Variants in CYP20A1 observed in about 807,000 individuals in gnomAD.
CYP20A1 encodes cytochrome P450 20A1.
A neutral mutation model predicts 61.4 loss-of-function variants in CYP20A1; 61 were observed. That is an observed-to-expected ratio of 0.99 (90% CI 0.81 to 1.23). The LOEUF is 1.23. Ranked by LOEUF, CYP20A1 falls within the 50% of genes most tolerant of loss-of-function variation. CYP20A1 has a pLI of 0.00. For synonymous variants in CYP20A1, 193 were observed against 188.2 expected (o/e 1.03, Z -0.21); for missense variants, 530 against 542.4 (o/e 0.98, Z 0.23).
rs769235248 is a variant in CYP20A1 at position 203,296,496 on chromosome 2, G to A, written c.1171G>A (p.Asp391Asn). ...TAGGTTTGATCCAGATCGGTTTGAT[G>A]ATGAATTAGTAATGAAAACTTTTTC... ...PHKFDPDRFD[D>N]ELVMKTFSSL... Residue 391 changes from aspartate (D) to asparagine (N), a missense_variant, in exon 12 of 13, where the codon GAT (aspartate) becomes AAT (asparagine). By Grantham distance (23) the Asp-to-Asn change is conservative (BLOSUM62 1). Coordinates refer to ENST00000356079, the MANE Select transcript of CYP20A1 (RefSeq NM_177538.3). 7 of 1,612,202 alleles carry A rather than the reference G, an allele frequency of 4.3e-6. No homozygotes were observed. In the African/African-American group the frequency reaches 9.3e-5, roughly 21 times the overall value.
intron 6 of CYP20A1, among the ~76,000 whole-genome samples, chr2:203,277,543 A>G (rs761098047): frequency 2.3e-4 from 35 of 151,430 alleles, no homozygotes; most frequent in Non-Finnish European, 2.9e-4. Flanking sequence ...ATATTTATTT[A>G]TTTATTCTCT....
At chr2:203,266,048 A>C (rs1245817883) in intron 4 of CYP20A1, among the ~76,000 whole-genome samples, 1 of 152,074 alleles carries the variant, frequency 6.6e-6, no homozygotes, top group Non-Finnish European at 1.5e-5. Context: ...GTATTTAATA[A>C]ATATTTGGTG....
chr2:203,296,359 G>A (rs1410527575), intron 11 of CYP20A1, 115 bp from the exon 12 acceptor site: 1 of 586,442 alleles, frequency 1.7e-6, no homozygotes, highest in South Asian at 2.2e-5. Flanking sequence ...TAATGTAAGA[G>A]CACTTTCTAT....
chr2:203,262,993 C>G (rs2067193804), intron 4 of CYP20A1, among the ~76,000 whole-genome samples: 1 of 139,724 alleles, frequency 7.2e-6, no homozygotes, highest in South Asian at 2.3e-4. Context: ...TTTTTGTTTT[C>G]TGTTTTTTGT....
intron 1 of CYP20A1, among the ~76,000 whole-genome samples, chr2:203,243,422 G>A (rs1169633737): frequency 1.3e-5 from 2 of 150,126 alleles, no homozygotes; most frequent in African/African-American, 4.9e-5. Flanking sequence ...ACAGAGTCTC[G>A]CTCTGTCTCC....
intron 1 of CYP20A1, among the ~76,000 whole-genome samples, chr2:203,243,512 G>C (rs942733612): frequency 6.6e-6 from 1 of 151,844 alleles, no homozygotes; most frequent in African/African-American, 2.4e-5. Flanking sequence ...AGCCTCCTGA[G>C]TAGCTGGCAT....
Position 203,304,727 on chromosome 2 carries a change from G to C in CYP20A1, c.*7819G>C, listed in dbSNP as rs1446728968. On this transcript the variant is annotated 3_prime_UTR_variant, in exon 13 of 13. Transcript: ENST00000356079. Reference sequence around the variant, plus strand: ...AAGTCAGGCTTATTGGGTGAGTCCAGGTGTTTGAGACTAGCCTAGGCAACA... The same window carrying C: ...AAGTCAGGCTTATTGGGTGAGTCCACGTGTTTGAGACTAGCCTAGGCAACA... Among the ~76,000 whole-genome samples the C allele has an allele frequency of 6.6e-6, 1 of 152,152 alleles. No homozygotes were observed. The highest frequency in any genetic ancestry group is 1.9e-4 in the East Asian group (1 of 5,192).
At chr2:203,289,936 G>T (rs997399030) in intron 10 of CYP20A1, 60 bp downstream of exon 10, 1 of 792,416 alleles carries the variant, frequency 1.3e-6, no homozygotes, top group South Asian at 1.9e-5. Flanking sequence ...TGGTGTGTGT[G>T]TGTGTATATA....
intron 4 of CYP20A1, among the ~76,000 whole-genome samples, chr2:203,258,001 A>AGCATCGAATGCCTGGGCTCAAGTGC: frequency 6.6e-6 from 1 of 152,230 alleles, no homozygotes; most frequent in Non-Finnish European, 1.5e-5. Context: ...TCCTGGGCTG[A>AGCATCGAATGCCTGGGCTCAAGTGC]AGGGATCCTC....
chr2:203,278,997 G>A (rs2067936600), intron 7 of CYP20A1, among the ~76,000 whole-genome samples: 1 of 151,916 alleles, frequency 6.6e-6, no homozygotes. Flanking sequence ...ATGGAGTCTC[G>A]CTATGTCGCC....
In CYP20A1 at chr2:203,292,268, G is replaced by T. The variant is rs1370275769; in HGVS notation, c.1090G>T (p.Val364Phe). ...DRFIIPRETL[V>F]LYALGVVLQD... Reference sequence around the variant, plus strand: ...GGATTTTTTTTTTTCACAGACCCTCGTCCTTTATGCCCTTGGTGTGGTACT... The same window carrying T: ...GGATTTTTTTTTTTCACAGACCCTCTTCCTTTATGCCCTTGGTGTGGTACT... Residue 364 changes from valine to phenylalanine, a missense_variant, in exon 11 of 13, where the codon GTC becomes TTC. Coordinates refer to ENST00000356079, the MANE Select transcript of CYP20A1 (RefSeq NM_177538.3). The T allele has an allele frequency of 5.0e-6, 8 of 1,605,536 alleles. No individual in the cohort carries two copies. Among genetic ancestry groups the T allele is most frequent in the Non-Finnish European group, 6.8e-6 (8 of 1,175,610 alleles).
intron 5 of CYP20A1, among the ~76,000 whole-genome samples, chr2:203,271,418 C>T (rs559087544): frequency 1.2e-4 from 19 of 152,026 alleles, no homozygotes; most frequent in African/African-American, 4.6e-4. Flanking sequence ...TTTAAGTAAT[C>T]TGAAATATTT....
intron 5 of CYP20A1, among the ~76,000 whole-genome samples, chr2:203,270,100 C>A (rs1013059026): frequency 6.6e-6 from 1 of 151,108 alleles, no homozygotes; most frequent in Admixed American, 6.6e-5. Context: ...AAAAAAAAAA[C>A]GACAGGAAAA....
intron 5 of CYP20A1, among the ~76,000 whole-genome samples, chr2:203,271,871 C>G (rs1235470121): frequency 2.0e-5 from 3 of 152,010 alleles, no homozygotes; most frequent in African/African-American, 7.2e-5. Flanking sequence ...CTAAAAAATA[C>G]AAAAATTAGC....
intron 3 of CYP20A1, 121 bp from the exon 4 acceptor site, chr2:203,251,846 A>C (rs1476273372): frequency 7.0e-5 from 24 of 341,114 alleles, no homozygotes; most frequent in African/African-American, 5.9e-4. Context: ...CAAGGGAATT[A>C]TGAAAAACAG....
Position 203,285,641 on chromosome 2 carries a change from A to G in CYP20A1, c.880A>G (p.Thr294Ala), listed in dbSNP as rs574589375. ...TACCTGGGCAATCTGTTTTTTAACC[A>G]CCTCTGAAGAAGTTCAAAAAAAATT... is the stretch of plus-strand genomic sequence containing the variant. Reference protein sequence around the residue: ...LCTWAICFLTTSEEVQKKLYE... With the variant: ...LCTWAICFLTASEEVQKKLYE... Residue 294 changes from threonine to alanine, a missense_variant, in exon 9 of 13, where the codon ACC becomes GCC. By Grantham distance (58) the Thr-to-Ala change is moderately conservative. Transcript: ENST00000356079. 3.1e-6 allele frequency: 5 copies of G among 1,595,444 alleles called. No individual in the cohort carries two copies. Among genetic ancestry groups the G allele is most frequent in the African/African-American group, 1.4e-5 (1 of 73,870 alleles).
chr2:203,298,787 C>G lies in CYP20A1; in HGVS notation c.*1879C>G, dbSNP rs1037926652. 6.6e-6 allele frequency among the ~76,000 whole-genome samples: 1 copy of G among 151,440 alleles called. No individual in the cohort carries two copies. ...CGGTAGCTCATGCCTGTTATCCTAA[C>G]ACTTTGGGAAGCCGACATGGGCAGA... On this transcript the variant is annotated 3_prime_UTR_variant, in exon 13 of 13. Transcript: ENST00000356079.
Position 203,296,487 on chromosome 2 carries a change from C to G in CYP20A1, c.1162C>G (p.Arg388Gly), listed in dbSNP as rs180687747. 6.2e-7 allele frequency: 1 copy of G among 1,610,368 alleles called. No individual in the cohort carries two copies. Among genetic ancestry groups the G allele is most frequent in the Non-Finnish European group, 8.5e-7 (1 of 1,177,934 alleles). ...TTTTCTTTGTAGGTTTGATCCAGAT[C>G]GGTTTGATGATGAATTAGTAATGAA... ...WPSPHKFDPD[R>G]FDDELVMKTF... Residue 388 changes from arginine to glycine, a missense_variant, in exon 12 of 13, where the codon CGG (arginine) becomes GGG (glycine). Transcript: ENST00000356079.
rs1045356035 is a variant in CYP20A1 at position 203,302,694 on chromosome 2, T to G, written c.*5786T>G. ...ATGTAGGCACAGATTTTTGTCATTCTTTATCTTTTTTGTGTGTGTGTGACA... is the reference window on the plus strand; with the variant it reads ...ATGTAGGCACAGATTTTTGTCATTCGTTATCTTTTTTGTGTGTGTGTGACA... On this transcript the variant is annotated 3_prime_UTR_variant, in exon 13 of 13. Coordinates refer to ENST00000356079, the MANE Select transcript of CYP20A1 (RefSeq NM_177538.3). Among the ~76,000 whole-genome samples, 1 of 152,198 alleles carries G rather than the reference T, an allele frequency of 6.6e-6. No individual in the cohort carries two copies. The highest frequency in any genetic ancestry group is 1.9e-4 in the East Asian group (1 of 5,190).
Sources: gnomAD v4.1 joint callset for allele counts (sites outside exome capture counted in the v4.1 genomes callset) on GRCh38, gnomAD v4.1.1 for gene constraint, MANE v1.5 for transcripts, NCBI Gene and HGNC (gene_info 2026-07-23, HGNC 2026-07-21) for gene names.